The following CIBAR1 variants were observed in gnomAD, a reference collection of about 807,000 sequenced individuals.
CIBAR1 encodes CBY1 interacting BAR domain containing 1.
CIBAR1 carries 25 observed loss-of-function variants against 44.0 expected under a neutral mutation model. The ratio of observed to expected loss-of-function variants is 0.57; its 90% CI spans 0.41 to 0.79. The LOEUF (loss-of-function observed/expected upper bound fraction) is 0.79. Among genes scored for constraint, CIBAR1 ranks in the 30% least tolerant of loss-of-function variants. The pLI is 0.00. For missense variants in CIBAR1, 278 were observed against 344.8 expected, an observed-to-expected ratio of 0.81 and a Z score of 1.53; for synonymous variants, 115 against 119.0, an observed-to-expected ratio of 0.97 and a Z score of 0.22.
Position 93,701,433 on chromosome 8 carries a change from A to G in CIBAR1, c.236A>G (p.Lys79Arg), listed in dbSNP as rs753166385. The G allele has an allele frequency of 3.6e-5, 58 of 1,613,496 alleles. No homozygotes were observed. The highest frequency in any genetic ancestry group is 4.5e-5 in the Non-Finnish European group (53 of 1,179,814). Residue 79 changes from lysine (K) to arginine (R), a missense_variant, in exon 2 of 9, where the codon AAA becomes AGA. Physicochemically the swap from Lys to Arg is conservative, Grantham distance 26. Around this residue, in one of 3 missense-constraint regions of CIBAR1, gnomAD observed 183 missense variants for 218.6 expected, o/e 0.84. Transcript: ENST00000518322. The part of the protein sequence containing the change: ...GLMNFADEFA[K>R]LQDYRQAEVE... ...ATGAACTTTGCAGATGAGTTTGCCAAACTTCAGGATTATCGACAAGCAGAG... is the reference window on the plus strand; with the variant it reads ...ATGAACTTTGCAGATGAGTTTGCCAGACTTCAGGATTATCGACAAGCAGAG...
Position 93,726,527 on chromosome 8 carries a change from C to T in CIBAR1, c.777+14C>T, listed in dbSNP as rs369973848. 1.4e-4 allele frequency: 232 copies of T among 1,612,398 alleles called. 1 individual carries two copies. In the African/African-American group the frequency reaches 2.5e-3, roughly 18 times the overall value. Reference sequence around the variant, plus strand: ...GGAACAGGACAGGTGAGCAAGAAACCGTACTCTAAAGGAATTTGAGCTGCT... The same window carrying T: ...GGAACAGGACAGGTGAGCAAGAAACTGTACTCTAAAGGAATTTGAGCTGCT... On this transcript the variant is annotated intron_variant, in intron 8 of 8. Coordinates refer to ENST00000518322, the MANE Select transcript of CIBAR1 (RefSeq NM_145269.5).
intron 6 of CIBAR1, among the ~76,000 whole-genome samples, chr8:93,710,365 A>G (rs1417348845): frequency 6.6e-6 from 1 of 151,240 alleles, no homozygotes; most frequent in African/African-American, 2.4e-5. Flanking sequence ...TTTTTTTAGT[A>G]GAAACAGTGA....
At chr8:93,727,654 A>T (rs1242629278) in intron 8 of CIBAR1, among the ~76,000 whole-genome samples, 2 of 152,226 alleles carry the variant, frequency 1.3e-5, no homozygotes, top group Non-Finnish European at 2.9e-5. Context: ...CAATACTGAC[A>T]AACAACAGTG....
At chr8:93,713,422 T>C (rs967791983) in intron 6 of CIBAR1, among the ~76,000 whole-genome samples, 34 of 152,226 alleles carry the variant, frequency 2.2e-4, no homozygotes, top group Non-Finnish European at 2.9e-4. Flanking sequence ...TCAGATAATC[T>C]GCAGTTTTTC....
intron 2 of CIBAR1, 54 bp downstream of exon 2, chr8:93,701,512 T>C (rs201549981): frequency 6.8e-7 from 1 of 1,481,458 alleles, no homozygotes; most frequent in Non-Finnish European, 9.3e-7. Context: ...AAGTAGTGGA[T>C]GAAGGAACCG....
intron 1 of CIBAR1, chr8:93,700,967 C>T: frequency 7.2e-7 from 1 of 1,383,818 alleles, no homozygotes; most frequent in South Asian, 1.8e-5. Flanking sequence ...GGCCGCGCTG[C>T]GCGGAGCAGC....
At chr8:93,705,087 A>G (rs1268258077) in intron 4 of CIBAR1, 77 bp downstream of exon 4, 2 of 931,262 alleles carry the variant, frequency 2.1e-6, no homozygotes, top group Non-Finnish European at 1.7e-6. Flanking sequence ...GAAATTGTGC[A>G]TTTTTACTTT....
chr8:93,724,599 A>G, intron 7 of CIBAR1: 1 of 1,264,714 alleles, frequency 7.9e-7, no homozygotes, highest in Non-Finnish European at 1.0e-6. Flanking sequence ...GTGTCAGGTG[A>G]GAAATTTAGG....
intron 6 of CIBAR1, among the ~76,000 whole-genome samples, chr8:93,716,911 T>G (rs1563646525): frequency 6.6e-6 from 1 of 152,256 alleles, no homozygotes; most frequent in Non-Finnish European, 1.5e-5. Flanking sequence ...TGTCATTTCC[T>G]CTTTGCGAAA....
chr8:93,710,776 G>T (rs1425966241), intron 6 of CIBAR1, among the ~76,000 whole-genome samples: 1 of 150,366 alleles, frequency 6.7e-6, no homozygotes, highest in Non-Finnish European at 1.5e-5. Flanking sequence ...GGAGGTTGCA[G>T]TGAGCCAAGA....
chr8:93,712,389 C>G (rs1489258603), intron 6 of CIBAR1, among the ~76,000 whole-genome samples: 1 of 152,132 alleles, frequency 6.6e-6, no homozygotes, highest in Non-Finnish European at 1.5e-5. Context: ...TACTTCATTC[C>G]TTTTTTTGAC....
At position 93,728,819 on chromosome 8, in the gene CIBAR1, G is replaced by C. The variant is rs1029106082; in HGVS notation, c.*522G>C. The C allele has an allele frequency of 3.3e-5, 5 of 152,004 alleles. No individual in the cohort carries two copies. The highest frequency in any genetic ancestry group is 1.2e-4 in the African/African-American group (5 of 41,420). The allele number at this position is 152,004 out of a possible 1,614,324, so 9.4% of individuals were successfully genotyped here. On this transcript the variant is annotated 3_prime_UTR_variant, in exon 9 of 9. Transcript: ENST00000518322. ...AGTATAACCAAAGAGTAAAGATAAT[G>C]TGACACTAAGTTATCAATGTTTTAT... is the stretch of plus-strand genomic sequence containing the variant.
At chr8:93,706,782 A>G (rs1401251942) in intron 4 of CIBAR1, among the ~76,000 whole-genome samples, 2 of 152,206 alleles carry the variant, frequency 1.3e-5, no homozygotes, top group Non-Finnish European at 2.9e-5. Context: ...CAACTTGTGT[A>G]TTTTGACAAC....
At chr8:93,703,850 G>A (rs909099880) in intron 3 of CIBAR1, among the ~76,000 whole-genome samples, 162 bp downstream of exon 3, 5 of 152,010 alleles carry the variant, frequency 3.3e-5, no homozygotes, top group Non-Finnish European at 7.4e-5. Context: ...GGATCACGAG[G>A]TCAGGAGTTT....
chr8:93,702,309 T>C (rs1810395206), intron 2 of CIBAR1: 1 of 404,382 alleles, frequency 2.5e-6, no homozygotes, highest in Non-Finnish European at 4.9e-6. Context: ...ATGAAACTTC[T>C]GTAATAAACA....
intron 7 of CIBAR1, among the ~76,000 whole-genome samples, chr8:93,724,251 T>A (rs1483655134): frequency 6.6e-6 from 1 of 152,222 alleles, no homozygotes; most frequent in East Asian, 1.9e-4. Flanking sequence ...TGGCCTTAAA[T>A]AAAAAGTAAG....
intron 6 of CIBAR1, among the ~76,000 whole-genome samples, chr8:93,716,552 C>A (rs1811045374): frequency 6.6e-6 from 1 of 151,976 alleles, no homozygotes; most frequent in Non-Finnish European, 1.5e-5. Flanking sequence ...TCTAAAAATT[C>A]TTTATATTGA....
At chr8:93,723,060 T>G (rs140107044) in intron 7 of CIBAR1, among the ~76,000 whole-genome samples, 4 of 152,296 alleles carry the variant, frequency 2.6e-5, no homozygotes, top group Middle Eastern at 3.4e-3. Flanking sequence ...GCAGTGGCGC[T>G]ATCTCCACTC....
rs192287122 is a variant in CIBAR1 at position 93,719,071 on chromosome 8, C to G, written c.657+283C>G. On this transcript the variant is annotated intron_variant, in intron 7 of 8. Transcript: ENST00000518322. The stretch of plus-strand genomic sequence containing the variant: ...TAGAGATGCAGTTTCACCATGTTAG[C>G]CAGGCTGGTCTTGAACTCCTGATCT... Among the ~76,000 whole-genome samples the G allele has an allele frequency of 8.5e-5, 13 of 152,132 alleles. No individual in the cohort carries two copies. The East Asian group carries it at 2.5e-3, about 29-fold the overall frequency.
Sources: gnomAD v4.1 joint callset for allele counts (sites outside exome capture counted in the v4.1 genomes callset) on GRCh38, gnomAD v4.1.1 for gene constraint, gnomAD v4.1.1 regional missense constraint, MANE v1.5 for transcripts, NCBI Gene and HGNC (gene_info 2026-07-23, HGNC 2026-07-21) for gene names.